The following NRDC variants were observed in gnomAD, a reference collection of about 807,000 sequenced individuals.
NRDC encodes nardilysin convertase.
NRDC carries 54 observed loss-of-function variants against 147.1 expected under a neutral mutation model. That is an observed-to-expected ratio of 0.37 (90% CI 0.29 to 0.46). NRDC has a LOEUF of 0.46. Ranked by LOEUF, NRDC falls within the 20% of genes least tolerant of loss-of-function variation. The probability of loss-of-function intolerance (pLI) is 1.00; values close to 1 mark genes in which losing one functional copy is unlikely to be tolerated. For synonymous variants in NRDC, 440 were observed against 482.1 expected (o/e 0.91, Z 1.14); for missense variants, 1,082 against 1,370.6 (o/e 0.79, Z 3.33).
intron 9 of NRDC, among the ~76,000 whole-genome samples, chr1:51,818,863 G>A (rs1245241336): frequency 6.6e-6 from 1 of 152,190 alleles, no homozygotes; most frequent in Non-Finnish European, 1.5e-5. Context: ...TAGGCAAATT[G>A]TTAAGTAAAT....
At chr1:51,861,103 C>A (rs1187752754) in intron 1 of NRDC, among the ~76,000 whole-genome samples, 1 of 151,546 alleles carries the variant, frequency 6.6e-6, no homozygotes, top group East Asian at 1.9e-4. Context: ...GCGGGCATCA[C>A]CATGCCCAGT....
intron 3 of NRDC, among the ~76,000 whole-genome samples, chr1:51,835,467 G>GTTTTTTTTTTTTTTTTTTTT (rs951683379): frequency 5.2e-5 from 6 of 114,626 alleles, no homozygotes; most frequent in African/African-American, 1.8e-4. Flanking sequence ...TTTGTTTCTT[G>GTTTTTTTTTTTTTTTTTTTT]TTTTTTTTTT....
intron 22 of NRDC, among the ~76,000 whole-genome samples, chr1:51,795,890 C>A (rs533905209): frequency 5.0e-4 from 76 of 150,584 alleles, no homozygotes; most frequent in South Asian, 4.4e-3. Context: ...TTTAAACAAA[C>A]AAAAAAAAAC....
intron 1 of NRDC, among the ~76,000 whole-genome samples, chr1:51,867,566 T>A (rs374180979): frequency 6.6e-6 from 1 of 152,002 alleles, no homozygotes; most frequent in Non-Finnish European, 1.5e-5. Context: ...GTCAGGGAAA[T>A]AAGAAGAGAT....
intron 1 of NRDC, among the ~76,000 whole-genome samples, chr1:51,874,487 T>G (rs1439784005): frequency 5.9e-5 from 9 of 152,080 alleles, no homozygotes; most frequent in Non-Finnish European, 2.9e-5. Flanking sequence ...CACGTGCCTG[T>G]AGTCCCAGCT....
chr1:51,831,538 A>G (rs184936925), intron 4 of NRDC, among the ~76,000 whole-genome samples: 128 of 151,728 alleles, frequency 8.4e-4, no homozygotes, highest in South Asian at 1.5e-3. Context: ...TATAGGAAAG[A>G]TCATCTCAGG....
rs1285621206 is a variant in NRDC at position 51,814,169 on chromosome 1, G to T, written c.1620-80C>A. On this transcript the variant is annotated intron_variant, in intron 13 of 30. Transcript: ENST00000352171. ...GGGAGAAGGGCGGGAGGAGGGAGAGGATCAGAAAAGGTAACTATTGGGTAG... is the reference window on the plus strand; with the variant it reads ...GGGAGAAGGGCGGGAGGAGGGAGAGTATCAGAAAAGGTAACTATTGGGTAG... The T allele has an allele frequency of 3.5e-6, 3 of 856,560 alleles. No homozygotes were observed. The African/African-American group carries it at 5.0e-5, about 14-fold the overall frequency. 53.1% of individuals were successfully genotyped at this position (856,560 alleles called of 1,614,324 possible). A position where few individuals can be genotyped will look rare whatever the true frequency, so the allele number is the denominator to read the frequency against.
chr1:51,831,406 AC>A (rs1680700848), intron 4 of NRDC, among the ~76,000 whole-genome samples: 1 of 152,146 alleles, frequency 6.6e-6, no homozygotes, highest in South Asian at 2.1e-4. Flanking sequence ...ACATACAAAG[AC>A]CTGTTTGGAT....
At chr1:51,792,472 G>A in intron 24 of NRDC, 48 bp from the exon 25 acceptor site, 1 of 1,586,454 alleles carries the variant, frequency 6.3e-7, no homozygotes, top group African/African-American at 1.3e-5. Flanking sequence ...GTGGTTTACA[G>A]GGCTTTTAAA....
At chr1:51,841,091 C>T (rs558733184) in intron 1 of NRDC, among the ~76,000 whole-genome samples, 144 of 152,254 alleles carry the variant, frequency 9.5e-4, no homozygotes, top group South Asian at 1.7e-3. Context: ...CTGGTAGCCC[C>T]GCAGGAAGAT....
chr1:51,821,558 T>C lies in NRDC; in HGVS notation c.1160-3A>G. On this transcript the variant is annotated splice_region_variant and splice_polypyrimidine_tract_variant and intron_variant, in intron 7 of 30. Transcript: ENST00000352171. ...CTTTTCCAAAGTATCCAGTGTTTCTTGAGAGGGGAGGGCAGGGAAGAGACA... is the reference window on the plus strand; with the variant it reads ...CTTTTCCAAAGTATCCAGTGTTTCTCGAGAGGGGAGGGCAGGGAAGAGACA... The C allele has an allele frequency of 1.9e-6, 3 of 1,603,002 alleles. No homozygotes were observed. The highest frequency in any genetic ancestry group is 2.6e-6 in the Non-Finnish European group (3 of 1,170,084).
rs1460168617 is a variant in NRDC at position 51,798,544 on chromosome 1, A to G, written c.2442-133T>C. On this transcript the variant is annotated intron_variant, in intron 21 of 30. Coordinates refer to ENST00000352171, the MANE Select transcript of NRDC (RefSeq NM_001101662.2). Reference sequence around the variant, plus strand: ...GAGACCATTTTTATCACAATGTAAGATGGGAAAACAGTATCAGATTAACCA... The same window carrying G: ...GAGACCATTTTTATCACAATGTAAGGTGGGAAAACAGTATCAGATTAACCA... 4 of 715,526 alleles carry G rather than the reference A, an allele frequency of 5.6e-6. 1 individual carries two copies. Among genetic ancestry groups the G allele is most frequent in the South Asian group, 4.6e-5 (2 of 43,536 alleles). The allele number at this position is 715,526 out of a possible 1,614,324, so 44.3% of individuals were successfully genotyped here.
At chr1:51,824,700 C>T (rs867391854) in intron 6 of NRDC, among the ~76,000 whole-genome samples, 7 of 152,192 alleles carry the variant, frequency 4.6e-5, no homozygotes, top group African/African-American at 1.7e-4. Context: ...CTATTGCTAA[C>T]TCTGTTGACA....
chr1:51,876,581 C>T (rs1165410883), intron 1 of NRDC, among the ~76,000 whole-genome samples: 1 of 152,246 alleles, frequency 6.6e-6, no homozygotes, highest in East Asian at 1.9e-4. Flanking sequence ...TTTGGATTTC[C>T]GAGCATTCTG....
At chr1:51,809,509 G>A (rs929402214) in intron 16 of NRDC, 108 bp from the exon 17 acceptor site, 59 of 805,884 alleles carry the variant, frequency 7.3e-5, no homozygotes, top group Non-Finnish European at 1.2e-4. Flanking sequence ...CCTTTCTCAG[G>A]AATACTGTGA....
At position 51,840,406 on chromosome 1, in the gene NRDC, CT is replaced by C; in HGVS notation, c.449del (p.Glu150GlyfsTer15). 2 of 1,577,050 alleles carry C rather than the reference CT, an allele frequency of 1.3e-6. No individual in the cohort carries two copies. The highest frequency in any genetic ancestry group is 1.7e-6 in the Non-Finnish European group (2 of 1,146,494). On this transcript the variant is annotated frameshift_variant, in exon 2 of 31. Transcript: ENST00000352171. LOFTEE classifies it high-confidence loss of function. ...CTTCATCATCATCTTCTTCTTCTTC[CT>C]CCACCTCCTCTTCTTCTTCATCATC... is the stretch of plus-strand genomic sequence containing the variant. ...TTDDEEEEEV[E>X]EEEEDDDEDS...
intron 10 of NRDC, among the ~76,000 whole-genome samples, chr1:51,816,940 A>G (rs1679996145): frequency 6.6e-6 from 1 of 152,228 alleles, no homozygotes; most frequent in Admixed American, 6.5e-5. Context: ...TGAAAATGCA[A>G]TAACAAGTAT....
intron 7 of NRDC, among the ~76,000 whole-genome samples, chr1:51,823,261 C>A (rs1680287658): frequency 6.6e-6 from 1 of 152,200 alleles, no homozygotes; most frequent in Non-Finnish European, 1.5e-5. Flanking sequence ...TTTTACAGGA[C>A]CTTATGTAAG....
rs1169861306 is a variant in NRDC, at chr1:51,789,905, C to T, written c.3169-248G>A. 22 of 500,628 alleles carry T rather than the reference C, an allele frequency of 4.4e-5. No individual in the cohort carries two copies. The East Asian group carries it at 7.4e-4, about 17-fold the overall frequency. 31.0% of individuals were successfully genotyped at this position (500,628 alleles called of 1,614,324 possible). On this transcript the variant is annotated intron_variant, in intron 29 of 30. Transcript: ENST00000352171. ...AGATGCTATAATTACAGCTAAATAC[C>T]ATACACTGAGCCCAACACCCACATC...
Sources: allele counts gnomAD v4.1 joint callset (sites outside exome capture counted in the v4.1 genomes callset), GRCh38; gene constraint gnomAD v4.1.1; transcripts MANE v1.5; gene names NCBI Gene and HGNC (gene_info 2026-07-23, HGNC 2026-07-21).